Variants in PTPRN2 observed in about 807,000 individuals in gnomAD.
PTPRN2 encodes the protein protein tyrosine phosphatase receptor type N2.
In PTPRN2, 74 loss-of-function variants were observed where a neutral mutation model predicts 118.8. That is an observed-to-expected ratio of 0.62 (90% CI 0.52 to 0.76). The LOEUF is 0.76. Ranked by LOEUF, PTPRN2 falls within the 30% of genes least tolerant of loss-of-function variation. PTPRN2 has a pLI of 0.00. For missense variants in PTPRN2, 1,481 were observed against 1,394.4 expected (o/e 1.06, Z -0.99); for synonymous variants, 641 against 608.0 (o/e 1.05, Z -0.80).
chr7:158,459,144 T>G (rs1365846054), intron 2 of PTPRN2, among the ~76,000 whole-genome samples: 1 of 150,200 alleles, frequency 6.7e-6, no homozygotes, highest in African/African-American at 2.5e-5. Flanking sequence ...ATGTCTCCAC[T>G]GTCCAGAGGA....
chr7:158,438,313 G>A lies in PTPRN2; in HGVS notation c.163+51422C>T, dbSNP rs375107943. Among the ~76,000 whole-genome samples the A allele has an allele frequency of 6.6e-6, 1 of 151,858 alleles. No homozygotes were observed. Among genetic ancestry groups the A allele is most frequent in the Non-Finnish European group, 1.5e-5 (1 of 67,990 alleles). ...AATTGCTTGAACCTGGGAGGCAGAA[G>A]TTGCAGTGCCACTGCACTCCAACCT... On this transcript the variant is annotated intron_variant, in intron 2 of 22. Coordinates refer to ENST00000389418, the MANE Select transcript of PTPRN2 (RefSeq NM_002847.5). The surrounding 1 kb of genome is among the most constrained non-coding windows in gnomAD (Gnocchi z 4.7).
At chr7:158,009,540 A>G (rs1477248489) in intron 11 of PTPRN2, among the ~76,000 whole-genome samples, 6 of 152,234 alleles carry the variant, frequency 3.9e-5, no homozygotes, top group Admixed American at 1.3e-4. Flanking sequence ...GTTTCCAATG[A>G]TAAGGCCAGG....
At chr7:158,424,911 G>C (rs11764826) in intron 2 of PTPRN2, among the ~76,000 whole-genome samples, 2,214 of 152,208 alleles carry the variant, frequency 0.015, 21 homozygotes, top group Non-Finnish European at 0.022. Context: ...CGGGGATCTC[G>C]GGGCCCACAG....
At chr7:158,534,566 G>T (rs1259401722) in intron 1 of PTPRN2, among the ~76,000 whole-genome samples, 1 of 152,142 alleles carries the variant, frequency 6.6e-6, no homozygotes, top group East Asian at 1.9e-4. Context: ...CCCAACTGCT[G>T]CCCTCATTGC....
At chr7:158,559,371 C>T (rs983927893) in intron 1 of PTPRN2, among the ~76,000 whole-genome samples, 2 of 152,068 alleles carry the variant, frequency 1.3e-5, no homozygotes, top group African/African-American at 4.8e-5. Flanking sequence ...TTTTTGATAC[C>T]TGACTTTTTC....
At chr7:158,194,380 G>C (rs1826043349) in intron 4 of PTPRN2, among the ~76,000 whole-genome samples, 1 of 152,246 alleles carries the variant, frequency 6.6e-6, no homozygotes, top group South Asian at 2.1e-4. Flanking sequence ...GGGCCAGTCT[G>C]GGGGCCCTTG....
Position 157,881,626 on chromosome 7 carries a change from C to T in PTPRN2, c.1788+17047G>A, listed in dbSNP as rs544801553. On this transcript the variant is annotated intron_variant, in intron 12 of 22. Coordinates refer to ENST00000389418, the MANE Select transcript of PTPRN2 (RefSeq NM_002847.5). This position sits in a 1 kb window ranked among gnomAD's most constrained non-coding sequence, Gnocchi z 4.7. ...CCAAGCCCCTGTGACTGCAGGGATGCGTCTCTGCCTACGAGAAAGGAGAGG... is the reference window on the plus strand; with the variant it reads ...CCAAGCCCCTGTGACTGCAGGGATGTGTCTCTGCCTACGAGAAAGGAGAGG... Among the ~76,000 whole-genome samples the T allele has an allele frequency of 7.9e-5, 12 of 152,164 alleles. No individual in the cohort carries two copies. In the South Asian group the frequency reaches 1.9e-3, roughly 24 times the overall value.
intron 2 of PTPRN2, among the ~76,000 whole-genome samples, chr7:158,376,784 C>T (rs1184071398): frequency 2.6e-5 from 3 of 116,628 alleles, no homozygotes; most frequent in African/African-American, 3.5e-5. Context: ...CCCTGTCACA[C>T]GTCCTGAGAG....
intron 11 of PTPRN2, among the ~76,000 whole-genome samples, chr7:158,002,691 G>T (rs758111469): frequency 3.9e-5 from 6 of 152,196 alleles, no homozygotes; most frequent in Non-Finnish European, 8.8e-5. Context: ...TGGGGCCGGG[G>T]CCTGCTCCCT....
chr7:157,792,025 A>G, intron 12 of PTPRN2, among the ~76,000 whole-genome samples: 1 of 152,192 alleles, frequency 6.6e-6, no homozygotes, highest in Non-Finnish European at 1.5e-5. Context: ...TTGCCCGGAG[A>G]GCCTGTCCTT....
At chr7:157,968,844 T>A (rs1399990046) in intron 11 of PTPRN2, among the ~76,000 whole-genome samples, 2 of 152,208 alleles carry the variant, frequency 1.3e-5, no homozygotes, top group Admixed American at 1.3e-4. Context: ...TCCTGGTAGA[T>A]GGGATATATG....
chr7:158,253,018 T>C (rs1368795133), intron 3 of PTPRN2, among the ~76,000 whole-genome samples: 1 of 152,206 alleles, frequency 6.6e-6, no homozygotes, highest in Non-Finnish European at 1.5e-5. Flanking sequence ...GAGGCTGGCA[T>C]GCGGAGGGTG....
At chr7:158,541,949 G>C (rs1270224260) in intron 1 of PTPRN2, among the ~76,000 whole-genome samples, 1 of 152,210 alleles carries the variant, frequency 6.6e-6, no homozygotes, top group Non-Finnish European at 1.5e-5. Context: ...AAACAGCAAG[G>C]CTTTATTACA....
chr7:158,455,263 C>T (rs1202056833), intron 2 of PTPRN2, among the ~76,000 whole-genome samples: 111 of 132,394 alleles, frequency 8.4e-4, no homozygotes, highest in Admixed American at 3.7e-3. Context: ...CGGACGCCAT[C>T]GGCCACGGCC....
chr7:157,620,746 T>C (rs1803119184), intron 15 of PTPRN2, among the ~76,000 whole-genome samples: 1 of 152,120 alleles, frequency 6.6e-6, no homozygotes, highest in Non-Finnish European at 1.5e-5. Flanking sequence ...GGGGATGGCA[T>C]CGCAGAGGGG....
At chr7:158,451,422 C>T (rs1818088789) in intron 2 of PTPRN2, among the ~76,000 whole-genome samples, 1 of 152,164 alleles carries the variant, frequency 6.6e-6, no homozygotes, top group Non-Finnish European at 1.5e-5. Flanking sequence ...CAAAACCTTC[C>T]TCTCCGCCCT....
chr7:157,592,545 G>A (rs901482122), intron 17 of PTPRN2, among the ~76,000 whole-genome samples: 2 of 140,538 alleles, frequency 1.4e-5, no homozygotes, highest in African/African-American at 5.3e-5. Context: ...ACGCCGAGAG[G>A]CTTCACACAG....
intron 3 of PTPRN2, among the ~76,000 whole-genome samples, chr7:158,314,456 G>A (rs893317485): frequency 9.2e-5 from 14 of 152,240 alleles, no homozygotes; most frequent in East Asian, 1.9e-4. Context: ...GCAGCATTCC[G>A]TCTGTGTCAT....
At chr7:158,314,112 G>A (rs1460691658) in intron 3 of PTPRN2, among the ~76,000 whole-genome samples, 1 of 152,180 alleles carries the variant, frequency 6.6e-6, no homozygotes, top group Non-Finnish European at 1.5e-5. Flanking sequence ...GCACAGAAAC[G>A]TGATGATGTT....
Sources: allele counts gnomAD v4.1 joint callset (sites outside exome capture counted in the v4.1 genomes callset), GRCh38; gene constraint gnomAD v4.1.1; non-coding constraint Gnocchi (gnomAD v3.1); transcripts MANE v1.5; gene names NCBI Gene and HGNC (gene_info 2026-07-23, HGNC 2026-07-21).